The following PALM2AKAP2 variants were observed in gnomAD, a reference collection of about 807,000 sequenced individuals.
PALM2AKAP2 encodes PALM2 and AKAP2 fusion.
Under a neutral mutation model 71.5 loss-of-function variants are expected in PALM2AKAP2, and 37 were observed. The observed-to-expected ratio is 0.52, with a 90% CI of 0.40 to 0.68. The LOEUF is 0.68. Ranked by LOEUF, PALM2AKAP2 falls within the 30% of genes least tolerant of loss-of-function variation. The pLI is 0.00. For missense variants in PALM2AKAP2, 1,224 were observed against 1,191.8 expected, an observed-to-expected ratio of 1.03 and a Z score of -0.40; for synonymous variants, 468 against 478.8, an observed-to-expected ratio of 0.98 and a Z score of 0.29.
chr9:109,943,426 C>T, intron 6 of PALM2AKAP2: 1 of 1,604,374 alleles, frequency 6.2e-7, no homozygotes, highest in South Asian at 1.1e-5. Flanking sequence ...TGTCATGTGA[C>T]CACTTCTTTC....
At chr9:109,655,619 C>T (rs573235722) in intron 1 of PALM2AKAP2, among the ~76,000 whole-genome samples, 38 of 152,240 alleles carry the variant, frequency 2.5e-4, no homozygotes, top group Middle Eastern at 3.4e-3. Flanking sequence ...CCCCCTACCC[C>T]CCATTCTACT....
At chr9:109,848,530 T>G (rs1050940710) in intron 1 of PALM2AKAP2, among the ~76,000 whole-genome samples, 1 of 152,166 alleles carries the variant, frequency 6.6e-6, no homozygotes, top group Non-Finnish European at 1.5e-5. Flanking sequence ...CTAGAGCTCA[T>G]GTCATGGCAG....
intron 1 of PALM2AKAP2, among the ~76,000 whole-genome samples, chr9:109,846,687 T>C (rs1163748834): frequency 6.6e-6 from 1 of 152,220 alleles, no homozygotes; most frequent in Non-Finnish European, 1.5e-5. Flanking sequence ...AAGGCTCAGA[T>C]AGAATAACCA....
intron 1 of PALM2AKAP2, among the ~76,000 whole-genome samples, chr9:109,844,381 A>G (rs56286543): frequency 0.047 from 7,187 of 152,314 alleles, 285 homozygotes; most frequent in South Asian, 0.14. Context: ...CCCAAATGCA[A>G]TGCAGGACTC....
chr9:110,034,054 C>A (rs1833334112), intron 7 of PALM2AKAP2, among the ~76,000 whole-genome samples: 1 of 152,202 alleles, frequency 6.6e-6, no homozygotes, highest in African/African-American at 2.4e-5. Context: ...TGCCTTCATT[C>A]CTAGCATTCT....
chr9:110,116,413 C>T (rs530907571), intron 1 of PALM2AKAP2, among the ~76,000 whole-genome samples: 25 of 152,126 alleles, frequency 1.6e-4, no homozygotes, highest in Non-Finnish European at 2.5e-4. Context: ...TGTGCGTGTG[C>T]GCGTGCACGC....
Position 110,001,922 on chromosome 9 carries a change from G to C in PALM2AKAP2, c.497-14032G>C, listed in dbSNP as rs572661822. ...GCTTAAGGAGATTTTGGGCTGAGAT[G>C]ATGGGGTTTTCTAGATATACAATCA... On this transcript the variant is annotated intron_variant, in intron 6 of 9. Coordinates refer to the PALM2AKAP2 transcript ENST00000302798. Among the ~76,000 whole-genome samples, 8 of 152,264 alleles carry C rather than the reference G, an allele frequency of 5.3e-5. No individual in the cohort carries two copies. The South Asian group carries it at 1.5e-3, about 28-fold the overall frequency.
intron 1 of PALM2AKAP2, among the ~76,000 whole-genome samples, chr9:109,721,635 T>A (rs1411655472): frequency 6.6e-6 from 1 of 152,224 alleles, no homozygotes; most frequent in African/African-American, 2.4e-5. Flanking sequence ...TCTATCAATA[T>A]CTATCCAAGG....
chr9:109,687,030 G>A (rs1335150048), intron 1 of PALM2AKAP2, among the ~76,000 whole-genome samples: 1 of 152,120 alleles, frequency 6.6e-6, no homozygotes, highest in Non-Finnish European at 1.5e-5. Context: ...TGGCTGCATA[G>A]TATTCCATGG....
intron 1 of PALM2AKAP2, among the ~76,000 whole-genome samples, chr9:110,057,069 A>T (rs554853464): frequency 6.6e-6 from 1 of 152,228 alleles, no homozygotes; most frequent in East Asian, 1.9e-4. Flanking sequence ...CCCAGGCAGG[A>T]TGGTAGGAGG....
intron 1 of PALM2AKAP2, among the ~76,000 whole-genome samples, chr9:110,116,591 C>T (rs1835368975): frequency 6.6e-6 from 1 of 152,184 alleles, no homozygotes; most frequent in African/African-American, 2.4e-5. Flanking sequence ...ATGGGATTTT[C>T]CTATGACATA....
intron 1 of PALM2AKAP2, among the ~76,000 whole-genome samples, chr9:109,652,034 C>T (rs547484390): frequency 6.6e-6 from 1 of 152,018 alleles, no homozygotes; most frequent in Non-Finnish European, 1.5e-5. Flanking sequence ...TAAATTACTG[C>T]CAAGTCAATT....
intron 1 of PALM2AKAP2, among the ~76,000 whole-genome samples, chr9:110,061,106 C>T (rs925965100): frequency 2.6e-5 from 4 of 152,194 alleles, no homozygotes; most frequent in African/African-American, 9.6e-5. Flanking sequence ...TCCTCTTGGG[C>T]ATGATAATGT....
At chr9:109,867,194 G>GTC in intron 1 of PALM2AKAP2, 1 of 435,568 alleles carries the variant, frequency 2.3e-6, no homozygotes, top group Non-Finnish European at 4.6e-6. Context: ...GTGTGTGTGT[G>GTC]TGTGTGTGTG....
chr9:110,105,242 G>C (rs554281146), intron 1 of PALM2AKAP2, among the ~76,000 whole-genome samples: 1 of 152,206 alleles, frequency 6.6e-6, no homozygotes, highest in African/African-American at 2.4e-5. Context: ...GAAAGCCCTT[G>C]GGTTACTTTT....
chr9:109,955,565 A>G (rs1831731538), intron 6 of PALM2AKAP2, among the ~76,000 whole-genome samples: 1 of 152,202 alleles, frequency 6.6e-6, no homozygotes, highest in Admixed American at 6.5e-5. Flanking sequence ...GTGATCTTCC[A>G]TGCCTTCCTA....
chr9:109,971,325 G>T (rs948193416), intron 6 of PALM2AKAP2, among the ~76,000 whole-genome samples: 7 of 111,890 alleles, frequency 6.3e-5, no homozygotes, highest in Non-Finnish European at 1.3e-4. Context: ...ACAGAGAAAA[G>T]GGGTCTGTTT....
At chr9:109,991,470 C>T (rs559833613) in intron 6 of PALM2AKAP2, among the ~76,000 whole-genome samples, 36 of 152,074 alleles carry the variant, frequency 2.4e-4, no homozygotes, top group Non-Finnish European at 4.6e-4. Flanking sequence ...AACTCCTGGA[C>T]TCAAGCAATC....
chr9:109,935,998 C>G (rs1452604544), intron 6 of PALM2AKAP2, among the ~76,000 whole-genome samples: 1 of 152,214 alleles, frequency 6.6e-6, no homozygotes, highest in Non-Finnish European at 1.5e-5. Flanking sequence ...ACATCACACC[C>G]TTGCTGACTT....
Sources: allele counts gnomAD v4.1 joint callset (sites outside exome capture counted in the v4.1 genomes callset), GRCh38; gene constraint gnomAD v4.1.1; transcripts MANE v1.5; gene names NCBI Gene and HGNC (gene_info 2026-07-23, HGNC 2026-07-21).